Variants in WDPCP observed in about 807,000 individuals in gnomAD.
WDPCP encodes the protein WD repeat containing planar cell polarity effector.
WDPCP carries 71 observed loss-of-function variants against 93.1 expected under a neutral mutation model. The observed-to-expected ratio is 0.76, with a 90% CI of 0.63 to 0.93. WDPCP has a LOEUF of 0.93. Among genes scored for constraint, WDPCP ranks in the 40% least tolerant of loss-of-function variants. The pLI is 0.00. For synonymous variants in WDPCP, 315 were observed against 315.0 expected, an observed-to-expected ratio of 1.00 and a Z score of 0.00; for missense variants, 844 against 887.4, an observed-to-expected ratio of 0.95 and a Z score of 0.62.
At chr2:63,149,268 T>C (rs1043841300) in intron 17 of WDPCP, among the ~76,000 whole-genome samples, 6 of 152,148 alleles carry the variant, frequency 3.9e-5, no homozygotes, top group Non-Finnish European at 8.8e-5. Context: ...GAAAAGATGT[T>C]CAACCTCATT....
intron 2 of WDPCP, among the ~76,000 whole-genome samples, chr2:63,651,554 A>G (rs1395295508): frequency 1.3e-5 from 2 of 152,112 alleles, no homozygotes; most frequent in Admixed American, 6.5e-5. Flanking sequence ...TCCATTGGGT[A>G]GGCAGGCAGG....
At chr2:63,387,843 G>C (rs1020106098) in intron 10 of WDPCP, among the ~76,000 whole-genome samples, 1 of 151,892 alleles carries the variant, frequency 6.6e-6, no homozygotes, top group Non-Finnish European at 1.5e-5. Context: ...TCCAAGCTGA[G>C]AGCCAAATAA....
At chr2:63,531,740 C>T (rs570628465) in intron 1 of WDPCP, among the ~76,000 whole-genome samples, 36 of 152,088 alleles carry the variant, frequency 2.4e-4, no homozygotes, top group Non-Finnish European at 4.0e-4. Context: ...TAGATAAAAC[C>T]ACAAAGATGG....
At chr2:63,174,147 A>G (rs1673617184) in intron 15 of WDPCP, among the ~76,000 whole-genome samples, 1 of 152,132 alleles carries the variant, frequency 6.6e-6, no homozygotes, top group African/African-American at 2.4e-5. Context: ...AATCATTATC[A>G]TAATTAATAT....
intron 2 of WDPCP, among the ~76,000 whole-genome samples, chr2:63,697,078 T>C (rs1236973163): frequency 6.6e-6 from 1 of 152,216 alleles, no homozygotes; most frequent in Non-Finnish European, 1.5e-5. Flanking sequence ...AATGTAATCC[T>C]ATTCAGTCTT....
intron 17 of WDPCP, among the ~76,000 whole-genome samples, chr2:63,126,571 T>G (rs1264728245): frequency 1.3e-5 from 2 of 152,172 alleles, no homozygotes; most frequent in Non-Finnish European, 2.9e-5. Context: ...TTCACTTTTT[T>G]GCCTTTGCCT....
At chr2:63,523,675 G>T (rs1703104935) in intron 1 of WDPCP, among the ~76,000 whole-genome samples, 1 of 152,216 alleles carries the variant, frequency 6.6e-6, no homozygotes, top group African/African-American at 2.4e-5. Context: ...ACTTTGAGAG[G>T]CCGCGGTGGG....
rs1236903993 is a variant in WDPCP at position 63,119,902 on chromosome 2, A to C, written c.*2104T>G. The stretch of plus-strand genomic sequence containing the variant: ...ATGGACATTATCAAAGATCATTCAT[A>C]ATATATTCTTACTATCTAAACTTGG... On this transcript the variant is annotated 3_prime_UTR_variant, in exon 18 of 18. Coordinates refer to ENST00000272321, the MANE Select transcript of WDPCP (RefSeq NM_015910.7). Among the ~76,000 whole-genome samples, 1 of 152,210 alleles carries C rather than the reference A, an allele frequency of 6.6e-6. No homozygotes were observed. The highest frequency in any genetic ancestry group is 1.5e-5 in the Non-Finnish European group (1 of 68,032).
chr2:63,153,965 G>C (rs994480204), intron 15 of WDPCP, among the ~76,000 whole-genome samples: 1 of 151,716 alleles, frequency 6.6e-6, no homozygotes, highest in Non-Finnish European at 1.5e-5. Context: ...ACTTGTAAAA[G>C]TAATTCACTT....
chr2:63,767,948 A>G (rs1670170142), intron 2 of WDPCP, among the ~76,000 whole-genome samples: 1 of 152,082 alleles, frequency 6.6e-6, no homozygotes, highest in African/African-American at 2.4e-5. Context: ...TTTTCCTTAC[A>G]GAAGTTTTAT....
At chr2:63,549,823 G>A (rs189688602) in intron 1 of WDPCP, among the ~76,000 whole-genome samples, 28 of 152,182 alleles carry the variant, frequency 1.8e-4, no homozygotes, top group African/African-American at 6.3e-4. Context: ...TTAGGAAGAC[G>A]GACATAAGAA....
chr2:63,269,042 G>C (rs567038978), intron 13 of WDPCP, among the ~76,000 whole-genome samples: 88 of 150,854 alleles, frequency 5.8e-4, no homozygotes, highest in Middle Eastern at 3.4e-3. Flanking sequence ...TTTTTTATTT[G>C]TTGGCCCCTT....
At chr2:63,272,661 A>T (rs1225259018) in intron 13 of WDPCP, among the ~76,000 whole-genome samples, 1 of 152,228 alleles carries the variant, frequency 6.6e-6, no homozygotes, top group Admixed American at 6.5e-5. Context: ...AAACTGAAGA[A>T]TTCAATGAAT....
chr2:63,689,226 C>CT (rs201737019), intron 2 of WDPCP, among the ~76,000 whole-genome samples: 6 of 146,206 alleles, frequency 4.1e-5, no homozygotes, highest in African/African-American at 1.7e-4. Context: ...GGATCAATTT[C>CT]TTTTTTAAAA....
At chr2:63,250,497 CA>C in intron 14 of WDPCP, among the ~76,000 whole-genome samples, 1 of 152,092 alleles carries the variant, frequency 6.6e-6, no homozygotes, top group Non-Finnish European at 1.5e-5. Context: ...TTCTTTACCT[CA>C]ATTGAATGAT....
At chr2:63,551,394 T>A (rs1247837871) in intron 1 of WDPCP, among the ~76,000 whole-genome samples, 1 of 152,146 alleles carries the variant, frequency 6.6e-6, no homozygotes, top group Non-Finnish European at 1.5e-5. Flanking sequence ...GTTGCCCTCC[T>A]TGAGATAGCA....
chr2:63,378,584 G>A lies in WDPCP; in HGVS notation c.1625-75C>T, dbSNP rs926166433. On this transcript the variant is annotated intron_variant, in intron 11 of 17. Transcript: ENST00000272321. Reference sequence around the variant, plus strand: ...TTACAACAAAATACTCATGTTTGCAGTCAGTCAGGTTTTGCAGACTTGGAT... The same window carrying A: ...TTACAACAAAATACTCATGTTTGCAATCAGTCAGGTTTTGCAGACTTGGAT... 2.5e-6 allele frequency: 4 copies of A among 1,599,010 alleles called. No individual in the cohort carries two copies. The African/African-American group carries it at 5.4e-5, about 21-fold the overall frequency.
At chr2:63,256,845 A>G (rs933995065) in intron 14 of WDPCP, among the ~76,000 whole-genome samples, 2 of 152,172 alleles carry the variant, frequency 1.3e-5, no homozygotes, top group African/African-American at 4.8e-5. Context: ...GAATATAGGT[A>G]TGAATCCATT....
At chr2:63,726,444 C>T (rs1669498318) in intron 2 of WDPCP, among the ~76,000 whole-genome samples, 2 of 152,168 alleles carry the variant, frequency 1.3e-5, no homozygotes, top group African/African-American at 4.8e-5. Flanking sequence ...GTTTGGGTTA[C>T]TGTAGCCCTG....
Sources: gnomAD v4.1 joint callset for allele counts (sites outside exome capture counted in the v4.1 genomes callset) on GRCh38, gnomAD v4.1.1 for gene constraint, MANE v1.5 for transcripts, NCBI Gene and HGNC (gene_info 2026-07-23, HGNC 2026-07-21) for gene names.